The following SNCAIP variants were observed in gnomAD, a reference collection of about 807,000 sequenced individuals.
SNCAIP encodes the protein synphilin-1.
Under a neutral mutation model 86.7 loss-of-function variants are expected in SNCAIP, and 43 were observed. The ratio of observed to expected loss-of-function variants is 0.50; its 90% CI spans 0.39 to 0.64. The LOEUF (loss-of-function observed/expected upper bound fraction) is 0.64, where lower values mean the gene tolerates loss of function less well. SNCAIP is among the 30% of genes least tolerant of loss of function. The pLI is 0.00. For synonymous variants in SNCAIP, 417 were observed against 427.2 expected, an observed-to-expected ratio of 0.98 and a Z score of 0.29; for missense variants, 981 against 1,103.1, an observed-to-expected ratio of 0.89 and a Z score of 1.57.
chr5:122,422,679 T>A (rs1011333762), intron 3 of SNCAIP, among the ~76,000 whole-genome samples, 189 bp from the exon 4 acceptor site: 3 of 152,176 alleles, frequency 2.0e-5, no homozygotes, highest in South Asian at 2.1e-4. Flanking sequence ...GTTATAACCT[T>A]CTTTGATCAT....
At chr5:122,458,300 G>A (rs1036712882) in intron 10 of SNCAIP, among the ~76,000 whole-genome samples, 4 of 152,062 alleles carry the variant, frequency 2.6e-5, no homozygotes, top group South Asian at 2.1e-4. Flanking sequence ...TCAACAAGCC[G>A]CTCCTGATTT....
rs542107979 is a variant in SNCAIP, at chr5:122,361,715, A to G, written c.-46-29374A>G. ...CCATCGATGCCTTAAAGGTCCCAGC[A>G]TGATCATTTCTAGCATGTTTGCTCA... On this transcript the variant is annotated intron_variant, in intron 1 of 10. Transcript: ENST00000261368. 2.6e-5 allele frequency among the ~76,000 whole-genome samples: 4 copies of G among 152,318 alleles called. No homozygotes were observed. In the South Asian group the frequency reaches 8.3e-4, roughly 32 times the overall value.
intron 7 of SNCAIP, 147 bp downstream of exon 7, chr5:122,440,901 T>C (rs1780734444): frequency 2.6e-6 from 2 of 777,538 alleles, no homozygotes; most frequent in South Asian, 3.2e-5. Flanking sequence ...CTATTTGTGT[T>C]TCCAGAAATC....
intron 5 of SNCAIP, among the ~76,000 whole-genome samples, chr5:122,428,819 A>G (rs1486249636): frequency 2.0e-5 from 3 of 147,400 alleles, no homozygotes; most frequent in African/African-American, 7.6e-5. Context: ...TTCAATTCCC[A>G]CCTATATGTG....
chr5:122,404,425 T>A (rs1210644711), intron 3 of SNCAIP, among the ~76,000 whole-genome samples: 2 of 152,196 alleles, frequency 1.3e-5, no homozygotes, highest in African/African-American at 4.8e-5. Context: ...GTCGACCTTT[T>A]CTCTTTACAC....
At chr5:122,416,067 T>G (rs539199303) in intron 3 of SNCAIP, among the ~76,000 whole-genome samples, 22 of 152,334 alleles carry the variant, frequency 1.4e-4, no homozygotes, top group Middle Eastern at 6.8e-3. Flanking sequence ...GAGTCTGATT[T>G]CGTGATGGAA....
At chr5:122,425,250 T>G in intron 4 of SNCAIP, 102 bp from the exon 5 acceptor site, 1 of 888,040 alleles carries the variant, frequency 1.1e-6, no homozygotes, top group Non-Finnish European at 1.9e-6. Context: ...CCACCAGAGC[T>G]TCTATAAGCT....
chr5:122,423,783 C>A, intron 4 of SNCAIP, 44 bp downstream of exon 4: 1 of 1,532,550 alleles, frequency 6.5e-7, no homozygotes, highest in Non-Finnish European at 8.9e-7. Context: ...AGACTGGAGA[C>A]TCCTTTTTAA....
chr5:122,378,857 T>C (rs181241259), intron 1 of SNCAIP, among the ~76,000 whole-genome samples: 1,996 of 145,710 alleles, frequency 0.014, 180 homozygotes, highest in African/African-American at 0.047. Flanking sequence ...TGTAGATAAG[T>C]GGCGTTATTT....
At chr5:122,329,544 A>T (rs1420552718) in intron 1 of SNCAIP, among the ~76,000 whole-genome samples, 1 of 152,202 alleles carries the variant, frequency 6.6e-6, no homozygotes, top group African/African-American at 2.4e-5. Context: ...TCATAAAGGT[A>T]TTGAATGGAC....
rs773314406 is a variant in SNCAIP at position 122,423,335 on chromosome 5, T to C, written c.598T>C (p.Ser200Pro). Residue 200 changes from serine to proline, a missense_variant, in exon 4 of 11, where the codon TCA becomes CCA. Physicochemically the swap from Ser to Pro is moderately conservative, Grantham distance 74. Transcript: ENST00000261368. ...KACSTGSSES[S>P]SSNMAPFCVL... Reference sequence around the variant, plus strand: ...CTGCTCTACAGGAAGTTCTGAGAGCTCATCATCCAACATGGCACCATTTTG... The same window carrying C: ...CTGCTCTACAGGAAGTTCTGAGAGCCCATCATCCAACATGGCACCATTTTG... The C allele has an allele frequency of 9.3e-6, 15 of 1,613,940 alleles. No individual in the cohort carries two copies. The highest frequency in any genetic ancestry group is 6.7e-5 in the East Asian group (3 of 44,892).
At chr5:122,392,508 A>G (rs1189935573) in intron 2 of SNCAIP, among the ~76,000 whole-genome samples, 6 of 152,100 alleles carry the variant, frequency 3.9e-5, no homozygotes, top group African/African-American at 1.4e-4. Flanking sequence ...CCTCACAGCC[A>G]TTGTGGGAAA....
chr5:122,370,931 A>G (rs867554737), intron 1 of SNCAIP, among the ~76,000 whole-genome samples: 1 of 152,186 alleles, frequency 6.6e-6, no homozygotes, highest in Non-Finnish European at 1.5e-5. Context: ...CAATTTCTCA[A>G]TTTATCATGC....
chr5:122,462,983 A>G (rs992111935), intron 10 of SNCAIP, among the ~76,000 whole-genome samples: 1 of 152,190 alleles, frequency 6.6e-6, no homozygotes, highest in African/African-American at 2.4e-5. Flanking sequence ...ATTGTTCTTT[A>G]GCTTTTTCTT....
At chr5:122,363,429 G>C (rs751553081) in intron 1 of SNCAIP, among the ~76,000 whole-genome samples, 10 of 152,202 alleles carry the variant, frequency 6.6e-5, no homozygotes, top group Non-Finnish European at 1.0e-4. Context: ...ACAACTGGCA[G>C]AACTCCTTCT....
At chr5:122,332,063 G>A (rs1755465934) in intron 1 of SNCAIP, among the ~76,000 whole-genome samples, 1 of 152,200 alleles carries the variant, frequency 6.6e-6, no homozygotes, top group South Asian at 2.1e-4. Flanking sequence ...ATTAGAATGT[G>A]ATACTTGTTG....
At chr5:122,366,302 C>T (rs1763182518) in intron 1 of SNCAIP, among the ~76,000 whole-genome samples, 1 of 152,168 alleles carries the variant, frequency 6.6e-6, no homozygotes, top group East Asian at 1.9e-4. Flanking sequence ...TGAACAGTTA[C>T]AGGAGCTGAT....
chr5:122,342,549 C>T lies in SNCAIP; in HGVS notation c.-47+30265C>T, dbSNP rs78897058. 9.0e-3 allele frequency among the ~76,000 whole-genome samples: 1,366 copies of T among 152,316 alleles called. 13 individuals carry two copies. Among genetic ancestry groups the T allele is most frequent in the Admixed American group, 0.023 (354 of 15,294 alleles). On this transcript the variant is annotated intron_variant, in intron 1 of 10. Transcript: ENST00000261368. Reference sequence around the variant, plus strand: ...ATGATGAAGTGAGGGTGTTTTCAGACGTTGTGTCATTTAGCCCTCAAGGAA... The same window carrying T: ...ATGATGAAGTGAGGGTGTTTTCAGATGTTGTGTCATTTAGCCCTCAAGGAA...
In SNCAIP at chr5:122,404,459, G is replaced by T. The variant is rs79344019; in HGVS notation, c.130+594G>T. On this transcript the variant is annotated intron_variant, in intron 3 of 10. Transcript: ENST00000261368. ...ACCCCCAACCCCCAAGAATAAAAAA[G>T]TACATTCTGAGTTGTTTTCCCTCTG... is the stretch of plus-strand genomic sequence containing the variant. Among the ~76,000 whole-genome samples, 1,067 of 152,138 alleles carry T rather than the reference G, an allele frequency of 7.0e-3. 17 individuals carry two copies. The highest frequency in any genetic ancestry group is 0.025 in the African/African-American group (1,028 of 41,530).
Sources: gnomAD v4.1 joint callset for allele counts (sites outside exome capture counted in the v4.1 genomes callset) on GRCh38, gnomAD v4.1.1 for gene constraint, MANE v1.5 for transcripts, NCBI Gene and HGNC (gene_info 2026-07-23, HGNC 2026-07-21) for gene names.